Variants in NDC80 observed in about 807,000 individuals in gnomAD.
The protein encoded by NDC80 is NDC80 kinetochore complex component, also known as kinetochore protein NDC80 homolog.
A neutral mutation model predicts 89.3 loss-of-function variants in NDC80; 69 were observed. The observed-to-expected ratio is 0.77, with a 90% confidence interval of 0.64 to 0.94. The LOEUF is 0.94. NDC80 is among the 40% of genes least tolerant of loss of function. NDC80 has a pLI of 0.00. For synonymous variants in NDC80, 243 were observed against 255.6 expected (o/e 0.95, Z 0.47); for missense variants, 593 against 739.6 (o/e 0.80, Z 2.30).
At chr18:2,603,274 C>T (rs1347230849) in intron 13 of NDC80, among the ~76,000 whole-genome samples, 1 of 149,724 alleles carries the variant, frequency 6.7e-6, no homozygotes, top group Non-Finnish European at 1.5e-5. Flanking sequence ...AAGGGACCGG[C>T]AAAGGAAGGA....
At chr18:2,591,797 C>T (rs1251043500) in intron 10 of NDC80, among the ~76,000 whole-genome samples, 2 of 150,278 alleles carry the variant, frequency 1.3e-5, no homozygotes, top group African/African-American at 4.9e-5. Context: ...CTGTGTCACC[C>T]AGGCTGAAGT....
rs772239068 is a variant in NDC80 at position 2,579,001 on chromosome 18, C to T, written c.551C>T (p.Ala184Val). 1.3e-6 allele frequency: 2 copies of T among 1,575,118 alleles called. No homozygotes were observed. Among genetic ancestry groups the T allele is most frequent in the East Asian group, 2.4e-5 (1 of 42,540 alleles). ...CATACATGGCCTCACATTGTGGCAG[C>T]CTTAGTTTGGCTAATAGACTGCATC... ...APHTWPHIVA[A>V]LVWLIDCIKI... is the part of the protein sequence containing the mutation. The change falls in exon 6 of 17, where the codon GCC (alanine) becomes GTC (valine). Residue 184 changes from alanine to valine, a missense_variant. Physicochemically the swap from Ala to Val is moderately conservative, Grantham distance 64. Coordinates refer to ENST00000261597, the MANE Select transcript of NDC80 (RefSeq NM_006101.3).
chr18:2,580,731 ATTTTTTT>A (rs71365186), intron 6 of NDC80, among the ~76,000 whole-genome samples: 400 of 55,450 alleles, frequency 7.2e-3, no homozygotes, highest in Non-Finnish European at 0.012. Flanking sequence ...TCACCATCAG[ATTTTTTT>A]TTTTTTTTTT....
chr18:2,588,816 C>A (rs1329031336), intron 8 of NDC80, among the ~76,000 whole-genome samples: 1 of 152,108 alleles, frequency 6.6e-6, no homozygotes, highest in African/African-American at 2.4e-5. Context: ...ATAAAAACTG[C>A]ATTCATTTAT....
intron 14 of NDC80, among the ~76,000 whole-genome samples, chr18:2,606,848 C>T (rs1466514229): frequency 6.6e-6 from 1 of 151,972 alleles, no homozygotes; most frequent in African/African-American, 2.4e-5. Flanking sequence ...ACTGCTAAAG[C>T]CTGAACCCCA....
chr18:2,614,212 G>A (rs1053510905), intron 16 of NDC80, among the ~76,000 whole-genome samples: 2 of 152,160 alleles, frequency 1.3e-5, no homozygotes, highest in African/African-American at 4.8e-5. Context: ...GCCAAGGCTG[G>A]CGGATCACAA....
At chr18:2,605,274 A>ATATGTGTG (rs2072704766) in intron 13 of NDC80, among the ~76,000 whole-genome samples, 1 of 127,178 alleles carries the variant, frequency 7.9e-6, no homozygotes, top group Admixed American at 8.0e-5. Context: ...GGCTATATGT[A>ATATGTGTG]TGTGTGTGTG....
At chr18:2,584,354 T>C in intron 6 of NDC80, among the ~76,000 whole-genome samples, 1 of 151,550 alleles carries the variant, frequency 6.6e-6, no homozygotes, top group East Asian at 1.9e-4. Context: ...TATTAATAGA[T>C]AATATATTTA....
intron 7 of NDC80, among the ~76,000 whole-genome samples, chr18:2,586,565 G>A (rs529198654): frequency 6.6e-6 from 1 of 152,070 alleles, no homozygotes; most frequent in African/African-American, 2.4e-5. Context: ...CCCCATCTCT[G>A]CAAAAAGTAC....
chr18:2,572,888 G>T, intron 1 of NDC80, 89 bp from the exon 2 acceptor site: 1 of 898,506 alleles, frequency 1.1e-6, no homozygotes, highest in South Asian at 1.9e-5. Context: ...AATGAAACCT[G>T]ACTGTCTTTC....
At chr18:2,615,716 A>T (rs917486973) in intron 16 of NDC80, among the ~76,000 whole-genome samples, 12 of 152,262 alleles carry the variant, frequency 7.9e-5, no homozygotes, top group Admixed American at 6.5e-4. Flanking sequence ...GTAAATGTTG[A>T]TATATTCATT....
rs1210284547 is a variant in NDC80 at position 2,605,328 on chromosome 18, GTA to G, written c.1465-1085_1465-1084del. Among the ~76,000 whole-genome samples the G allele has an allele frequency of 4.2e-3, 458 of 109,988 alleles. 2 individuals are homozygous for G. The highest frequency in any genetic ancestry group is 0.01 in the African/African-American group (304 of 29,074). 72.2% of individuals were successfully genotyped at this position (109,988 alleles called of 152,430 possible). A position where few individuals can be genotyped will look rare whatever the true frequency, so the allele number is the denominator to read the frequency against. On this transcript the variant is annotated intron_variant, in intron 13 of 16. Coordinates refer to ENST00000261597, the MANE Select transcript of NDC80 (RefSeq NM_006101.3). Reference sequence around the variant, plus strand: ...TGTGTGTGTGTGTGTGTGTGTGTGTGTATGTACACAATGGAAATGTGTACTTT... The same window carrying G: ...TGTGTGTGTGTGTGTGTGTGTGTGTGTGTACACAATGGAAATGTGTACTTT...
chr18:2,580,457 C>T (rs982185745), intron 6 of NDC80, among the ~76,000 whole-genome samples: 1 of 151,720 alleles, frequency 6.6e-6, no homozygotes, highest in African/African-American at 2.4e-5. Flanking sequence ...GCTAGAATTC[C>T]TAAAGCTAAT....
At chr18:2,595,776 A>G (rs956797608) in intron 11 of NDC80, among the ~76,000 whole-genome samples, 155 bp downstream of exon 11, 1 of 152,242 alleles carries the variant, frequency 6.6e-6, no homozygotes, top group Admixed American at 6.5e-5. Flanking sequence ...CTTTATGTCA[A>G]TTCAGTAACA....
At chr18:2,587,205 C>A (rs761122961) in intron 7 of NDC80, among the ~76,000 whole-genome samples, 1 of 152,184 alleles carries the variant, frequency 6.6e-6, no homozygotes, top group Non-Finnish European at 1.5e-5. Context: ...TTCTGATCAT[C>A]CATTCTTGCC....
rs368547504 is a variant in NDC80, at chr18:2,579,119, T to C, written c.579+90T>C. On this transcript the variant is annotated intron_variant, in intron 6 of 16. Transcript: ENST00000261597. ...TTCTCTCCCAGTCTTTTGACAGTAT[T>C]CTCAAAGTCTGCTTCAGAGTTTTCA... The C allele has an allele frequency of 4.4e-6, 3 of 678,462 alleles. No individual in the cohort carries two copies. The South Asian group carries it at 1.6e-4, about 35-fold the overall frequency. 42.0% of individuals were successfully genotyped at this position (678,462 alleles called of 1,614,324 possible).
intron 10 of NDC80, 30 bp from the exon 11 acceptor site, chr18:2,595,386 C>T: frequency 3.2e-6 from 5 of 1,542,412 alleles, no homozygotes; most frequent in Middle Eastern, 2.1e-4. Context: ...ATTGAAGATA[C>T]ATTAAAAATT....
Position 2,606,284 on chromosome 18 carries a change from G to A in NDC80, c.1465-131G>A, listed in dbSNP as rs1568010801. 1.0e-5 allele frequency: 5 copies of A among 493,770 alleles called. No individual in the cohort carries two copies. The East Asian group carries it at 1.7e-4, about 17-fold the overall frequency. The allele number at this position is 493,770 out of a possible 1,614,324, so 30.6% of individuals were successfully genotyped here. ...AATAAAGTTTTTGGACAAATGATAA[G>A]TGAGAGTCCAAAAGGACTAGAAGAA... On this transcript the variant is annotated intron_variant, in intron 13 of 16. Coordinates refer to ENST00000261597, the MANE Select transcript of NDC80 (RefSeq NM_006101.3).
chr18:2,585,066 T>C (rs1237677431), intron 6 of NDC80, 47 bp from the exon 7 acceptor site: 1 of 1,462,792 alleles, frequency 6.8e-7, no homozygotes, highest in East Asian at 2.3e-5. Context: ...AAAATGAAAG[T>C]TGTGTTTTTC....
Sources: allele counts gnomAD v4.1 joint callset (sites outside exome capture counted in the v4.1 genomes callset), GRCh38; gene constraint gnomAD v4.1.1; transcripts MANE v1.5; gene names NCBI Gene and HGNC (gene_info 2026-07-23, HGNC 2026-07-21).